PCCB: variants seen among roughly 807,000 people sequenced by gnomAD.
The protein encoded by PCCB is propionyl-CoA carboxylase beta chain, mitochondrial.
In PCCB, 43 loss-of-function variants were observed where a neutral mutation model predicts 60.7. That is an observed-to-expected ratio of 0.71 (90% CI 0.55 to 0.91). The LOEUF (loss-of-function observed/expected upper bound fraction) is 0.91. PCCB is among the 40% of genes least tolerant of loss of function. The pLI, the probability that PCCB is intolerant of heterozygous loss-of-function variation, is 0.00. For synonymous variants in PCCB, 276 were observed against 255.9 expected, an observed-to-expected ratio of 1.08 and a Z score of -0.75; for missense variants, 766 against 702.8, an observed-to-expected ratio of 1.09 and a Z score of -1.02.
At chr3:136,259,005 C>A (rs1475347224) in intron 3 of PCCB, among the ~76,000 whole-genome samples, 1 of 152,014 alleles carries the variant, frequency 6.6e-6, no homozygotes, top group East Asian at 1.9e-4. Context: ...TCTCCTTGTT[C>A]TTATTCTCAC....
chr3:136,308,027 A>G (rs867822294), intron 9 of PCCB, among the ~76,000 whole-genome samples: 21 of 152,168 alleles, frequency 1.4e-4, no homozygotes, highest in South Asian at 4.1e-4. Flanking sequence ...TGTCATACCA[A>G]TAAATATGGA....
chr3:136,279,691 G>A (rs1228471152), intron 5 of PCCB, among the ~76,000 whole-genome samples: 3 of 151,306 alleles, frequency 2.0e-5, no homozygotes, highest in Admixed American at 6.6e-5. Context: ...TTTTTGAGAC[G>A]GAGTTTCGCT....
intron 2 of PCCB, chr3:136,256,185 C>A: frequency 1.5e-6 from 1 of 659,054 alleles, no homozygotes; most frequent in South Asian, 1.9e-5. Flanking sequence ...TCAAGCAATC[C>A]ACCCACCTCG....
chr3:136,297,837 G>C, intron 7 of PCCB, 115 bp from the exon 8 acceptor site: 4 of 1,121,698 alleles, frequency 3.6e-6, no homozygotes, highest in Non-Finnish European at 5.5e-6. Context: ...AGAGAACAGA[G>C]CTATCAGCAC....
intron 5 of PCCB, among the ~76,000 whole-genome samples, chr3:136,276,329 C>A (rs941740567): frequency 1.3e-5 from 2 of 152,142 alleles, no homozygotes; most frequent in Non-Finnish European, 2.9e-5. Context: ...AGGTTCCACC[C>A]TTGATGAAAG....
chr3:136,310,703 C>T lies in PCCB; in HGVS notation c.967-6238C>T, dbSNP rs537593017. 6.6e-5 allele frequency among the ~76,000 whole-genome samples: 10 copies of T among 152,208 alleles called. No homozygotes were observed. The South Asian group carries it at 2.1e-3, about 32-fold the overall frequency. ...GTACCTGAACCTGATAAAGGTAGTA[C>T]TTAAGATTTCAGTTTCATATTGCTT... On this transcript the variant is annotated intron_variant, in intron 9 of 14. Transcript: ENST00000251654.
intron 6 of PCCB, among the ~76,000 whole-genome samples, chr3:136,288,212 C>T (rs1002641734): frequency 4.6e-5 from 7 of 152,012 alleles, no homozygotes; most frequent in African/African-American, 7.2e-5. Context: ...GGTGAATGTT[C>T]CATGGGAGCT....
chr3:136,268,099 T>TATATATATATATAG (rs1942074602), intron 5 of PCCB, among the ~76,000 whole-genome samples: 3 of 113,660 alleles, frequency 2.6e-5, no homozygotes, highest in Non-Finnish European at 5.2e-5. Context: ...TATATATATA[T>TATATATATATATAG]ATATATATAT....
chr3:136,307,205 A>T (rs1019620605), intron 9 of PCCB, among the ~76,000 whole-genome samples: 1 of 122,632 alleles, frequency 8.2e-6, no homozygotes, highest in African/African-American at 2.5e-5. Context: ...TGTGTTAATG[A>T]GGCTTTCTTG....
At chr3:136,287,802 T>C (rs536248353) in intron 6 of PCCB, among the ~76,000 whole-genome samples, 1 of 152,366 alleles carries the variant, frequency 6.6e-6, no homozygotes, top group Non-Finnish European at 1.5e-5. Flanking sequence ...ATTTCAAGAT[T>C]TTTGCCATTG....
rs1362000986 is a variant in PCCB, at chr3:136,279,143, A to G, written c.544-4694A>G. Reference sequence around the variant, plus strand: ...ATTTTGGTTACCCTTTGCATGGAATATTTTTTTCCATCCTTTAGTTTACCT... The same window carrying G: ...ATTTTGGTTACCCTTTGCATGGAATGTTTTTTTCCATCCTTTAGTTTACCT... On this transcript the variant is annotated intron_variant, in intron 5 of 14. Transcript: ENST00000251654. Among the ~76,000 whole-genome samples, 3 of 151,944 alleles carry G rather than the reference A, an allele frequency of 2.0e-5. No homozygotes were observed. The East Asian group carries it at 5.8e-4, about 29-fold the overall frequency.
intron 9 of PCCB, among the ~76,000 whole-genome samples, chr3:136,309,818 C>A (rs79976595): frequency 6.6e-6 from 1 of 150,964 alleles, no homozygotes; most frequent in Admixed American, 6.6e-5. Flanking sequence ...AAAAAAAATT[C>A]TAAGAGACAA....
At chr3:136,251,271 C>T in intron 1 of PCCB, 2 of 456,708 alleles carry the variant, frequency 4.4e-6, no homozygotes, top group Non-Finnish European at 4.4e-6. Flanking sequence ...CAGAGATAAG[C>T]TGGGCGGCCC....
Position 136,250,461 on chromosome 3 carries a change from G to C in PCCB, c.86G>C (p.Cys29Ser). 1 of 1,609,784 alleles carries C rather than the reference G, an allele frequency of 6.2e-7. No homozygotes were observed. Among genetic ancestry groups the C allele is most frequent in the South Asian group, 1.1e-5 (1 of 90,412 alleles). ...CTCCGCGCCGCGGTCCGCAGCCTTT[G>C]CAGCCAGGCCACCTCTGTTAACGAA... ...SGLRAAVRSL[C>S]SQATSVNERI... The change falls in exon 1 of 15, where the codon TGC (cysteine) becomes TCC (serine). Residue 29 changes from cysteine (C) to serine (S), a missense_variant. Transcript: ENST00000251654.
intron 6 of PCCB, among the ~76,000 whole-genome samples, chr3:136,288,724 C>T (rs889443943): frequency 6.6e-6 from 1 of 152,052 alleles, no homozygotes; most frequent in Non-Finnish European, 1.5e-5. Flanking sequence ...ACCACAGCCT[C>T]GACCTGCTGG....
At chr3:136,290,966 C>A (rs1001217416) in intron 6 of PCCB, among the ~76,000 whole-genome samples, 1 of 151,794 alleles carries the variant, frequency 6.6e-6, no homozygotes, top group South Asian at 2.1e-4. Flanking sequence ...CTCAGAGATT[C>A]TTTCCTCAAG....
intron 10 of PCCB, among the ~76,000 whole-genome samples, chr3:136,323,704 G>A (rs766780807): frequency 1.3e-4 from 19 of 151,592 alleles, no homozygotes; most frequent in Non-Finnish European, 4.4e-5. Flanking sequence ...AGAATCACAT[G>A]AACCTGGGAG....
intron 3 of PCCB, among the ~76,000 whole-genome samples, chr3:136,256,879 A>G (rs1026766458): frequency 6.6e-6 from 1 of 152,204 alleles, no homozygotes; most frequent in Non-Finnish European, 1.5e-5. Flanking sequence ...ATTTATTCCA[A>G]GTGAATGAGA....
chr3:136,264,964 G>A (rs1425935888), intron 5 of PCCB, among the ~76,000 whole-genome samples: 3 of 151,872 alleles, frequency 2.0e-5, no homozygotes, highest in African/African-American at 7.3e-5. Context: ...GGGAGGCCGA[G>A]GTGGGTGGAT....
Sources: allele counts gnomAD v4.1 joint callset (sites outside exome capture counted in the v4.1 genomes callset), GRCh38; gene constraint gnomAD v4.1.1; transcripts MANE v1.5; gene names NCBI Gene and HGNC (gene_info 2026-07-23, HGNC 2026-07-21).